The following MYO1F variants were observed in gnomAD, a reference collection of about 807,000 sequenced individuals.
The protein encoded by MYO1F is unconventional myosin-If.
Under a neutral mutation model 146.6 loss-of-function variants are expected in MYO1F, and 60 were observed. The ratio of observed to expected loss-of-function variants is 0.41; its 90% CI spans 0.33 to 0.51. The LOEUF (loss-of-function observed/expected upper bound fraction) is 0.51. Among genes scored for constraint, MYO1F ranks in the 20% least tolerant of loss-of-function variants. The probability of loss-of-function intolerance (pLI) is 0.25; values close to 1 mark genes in which losing one functional copy is unlikely to be tolerated. For missense variants in MYO1F, 1,274 were observed against 1,534.3 expected (o/e 0.83, Z 2.83); for synonymous variants, 602 against 602.1 (o/e 1.00, Z 0.00).
At chr19:8,570,200 G>A (rs1448276431) in intron 1 of MYO1F, among the ~76,000 whole-genome samples, 1 of 152,006 alleles carries the variant, frequency 6.6e-6, no homozygotes, top group Non-Finnish European at 1.5e-5. Context: ...AGCCTCCCAA[G>A]TAGCTGGGAT....
intron 10 of MYO1F, among the ~76,000 whole-genome samples, chr19:8,548,960 T>C (rs896654498): frequency 1.3e-5 from 2 of 149,498 alleles, no homozygotes; most frequent in African/African-American, 5.1e-5. Context: ...TTCTTTTCTA[T>C]TTTTTTTGAG....
intron 8 of MYO1F, among the ~76,000 whole-genome samples, chr19:8,551,024 G>A (rs1407355361): frequency 6.6e-6 from 1 of 150,402 alleles, no homozygotes; most frequent in Admixed American, 6.6e-5. Context: ...GGGATTACAG[G>A]CGTGAGCGTC....
At chr19:8,522,223 T>C (rs200190836) in intron 27 of MYO1F, among the ~76,000 whole-genome samples, 154 bp downstream of exon 27, 1,688 of 151,924 alleles carry the variant, frequency 0.011, 27 homozygotes, top group African/African-American at 0.037. Context: ...GGGGTTTCAC[T>C]GTGTTAGCCA....
chr19:8,552,419 CAGCTAATTTTTGTATTTTTGGCAG>C (rs1285357547), intron 6 of MYO1F, among the ~76,000 whole-genome samples: 1 of 152,018 alleles, frequency 6.6e-6, no homozygotes, highest in Non-Finnish European at 1.5e-5. Context: ...CCACCATGCC[CAGCTAATTTTTGTATTTTTGGCAG>C]AGCTAATTTT....
chr19:8,548,029 C>G lies in MYO1F; in HGVS notation c.1269+7G>C. 6.2e-7 allele frequency: 1 copy of G among 1,611,534 alleles called. No individual in the cohort carries two copies. Among genetic ancestry groups the G allele is most frequent in the Non-Finnish European group, 8.5e-7 (1 of 1,178,554 alleles). On this transcript the variant is annotated splice_region_variant and intron_variant, in intron 12 of 27. Transcript: ENST00000644032. ...GATCCCCCATCCCTGACTGCTTGGC[C>G]GCCCACCTGCTCGGCCTTCAGGGTA...
At chr19:8,525,616 C>T (rs1972234700) in intron 24 of MYO1F, 54 bp from the exon 25 acceptor site, 9 of 1,486,796 alleles carry the variant, frequency 6.1e-6, no homozygotes, top group Admixed American at 3.5e-5. Context: ...CTCTTTGCCC[C>T]GCCCACAAAT....
chr19:8,551,145 G>A (rs559146134), intron 8 of MYO1F, among the ~76,000 whole-genome samples: 4 of 151,496 alleles, frequency 2.6e-5, no homozygotes, highest in South Asian at 2.1e-4. Context: ...TCCACCTCCC[G>A]GGTTTAAGCG....
chr19:8,553,894 A>ACACACACACACACACACTCT, intron 4 of MYO1F, among the ~76,000 whole-genome samples: 37 of 102,664 alleles, frequency 3.6e-4, no homozygotes, highest in African/African-American at 9.6e-4. Context: ...ACACACACAC[A>ACACACACACACACACACTCT]CTCTCTCTCT....
chr19:8,547,682 A>G (rs1973428094), intron 12 of MYO1F, among the ~76,000 whole-genome samples: 1 of 151,388 alleles, frequency 6.6e-6, no homozygotes, highest in Non-Finnish European at 1.5e-5. Context: ...CAGAAAAACC[A>G]TTTGTCTCTG....
intron 14 of MYO1F, among the ~76,000 whole-genome samples, chr19:8,543,311 G>A (rs2145878441): frequency 6.6e-6 from 1 of 152,252 alleles, no homozygotes; most frequent in East Asian, 1.9e-4. Context: ...GTGGGGCTGC[G>A]GGCATGGTTA....
intron 19 of MYO1F, among the ~76,000 whole-genome samples, chr19:8,534,148 T>C (rs1053121053): frequency 2.7e-5 from 4 of 150,428 alleles, no homozygotes; most frequent in African/African-American, 9.8e-5. Flanking sequence ...CATTCCACTT[T>C]AGCCTGGGTG....
chr19:8,563,302 T>C (rs1357471334), intron 1 of MYO1F, among the ~76,000 whole-genome samples: 1 of 143,552 alleles, frequency 7.0e-6, no homozygotes, highest in African/African-American at 2.6e-5. Flanking sequence ...CACTTTTTTT[T>C]TTTTTTTTTT....
Position 8,527,588 on chromosome 19 carries a change from G to C in MYO1F, c.2329-105C>G, listed in dbSNP as rs1972322133. On this transcript the variant is annotated intron_variant, in intron 21 of 27. Coordinates refer to ENST00000644032, the MANE Select transcript of MYO1F (RefSeq NM_012335.4). ...TGGTGCTGGCAGGTCAGGTGAGGAA[G>C]GTGGGAGCCCTCCAGGTGAAGGTGT... 3 of 1,422,774 alleles carry C rather than the reference G, an allele frequency of 2.1e-6. No homozygotes were observed. The East Asian group carries it at 7.2e-5, about 34-fold the overall frequency. 88.1% of individuals were successfully genotyped at this position (1,422,774 alleles called of 1,614,324 possible).
Position 8,548,245 on chromosome 19 carries a change from T to G in MYO1F, c.1174A>C (p.Ile392Leu). 1 of 1,613,714 alleles carries G rather than the reference T, an allele frequency of 6.2e-7. No homozygotes were observed. The highest frequency in any genetic ancestry group is 2.2e-5 in the East Asian group (1 of 44,856). ...IGVLDIYGFEIFQKNGFEQFC... is the reference protein window; with the variant it reads ...IGVLDIYGFELFQKNGFEQFC... The stretch of plus-strand genomic sequence containing the variant: ...GAGGCAGGGGGCCGTACCTGGAAGA[T>G]CTCGAAGCCGTAAATGTCCAGCACA... The change falls in exon 11 of 28, where the codon ATC (isoleucine) becomes CTC (leucine). Residue 392 changes from isoleucine (I) to leucine (L), a missense_variant. Ile to Leu is a conservative substitution (Grantham distance 5). Around this residue, in one of 2 missense-constraint regions of MYO1F, gnomAD observed 900 missense variants for 1,155.1 expected, o/e 0.78. Transcript: ENST00000644032.
At chr19:8,548,164 G>A in intron 11 of MYO1F, 42 bp from the exon 12 acceptor site, 1 of 1,613,318 alleles carries the variant, frequency 6.2e-7, no homozygotes, top group Non-Finnish European at 8.5e-7. Context: ...ATGTCCTGGT[G>A]CTGGAAGTTC....
chr19:8,537,003 A>G lies in MYO1F; in HGVS notation c.1745T>C (p.Ile582Thr), dbSNP rs1464926273. ...ATLMRCTPHYIRCIKPNETKR... is the reference protein window; with the variant it reads ...ATLMRCTPHYTRCIKPNETKR... ...GGTCTCGTTGGGTTTGATGCAGCGG[A>G]TGTAGTGGGGTGTGCACCTCATCAG... Residue 582 changes from isoleucine (I) to threonine (T), a missense_variant, in exon 17 of 28, where the codon ATC becomes ACC. Ile to Thr is a moderately conservative substitution (Grantham distance 89, BLOSUM62 -1). Around this residue, in one of 2 missense-constraint regions of MYO1F, gnomAD observed 900 missense variants for 1,155.1 expected, o/e 0.78. Coordinates refer to ENST00000644032, the MANE Select transcript of MYO1F (RefSeq NM_012335.4). 1.2e-6 allele frequency: 2 copies of G among 1,603,076 alleles called. No homozygotes were observed. Among genetic ancestry groups the G allele is most frequent in the African/African-American group, 2.7e-5 (2 of 72,958 alleles).
At chr19:8,529,551 G>A (rs1372209688) in intron 21 of MYO1F, among the ~76,000 whole-genome samples, 1 of 152,140 alleles carries the variant, frequency 6.6e-6, no homozygotes, top group Non-Finnish European at 1.5e-5. Flanking sequence ...CCAGGTGAGA[G>A]TGTACCTGTG....
intron 1 of MYO1F, among the ~76,000 whole-genome samples, chr19:8,563,212 T>C (rs1179314847): frequency 1.3e-5 from 2 of 151,724 alleles, no homozygotes; most frequent in East Asian, 3.9e-4. Context: ...AGGCTGGTCT[T>C]GAACTCCTGA....
At chr19:8,527,054 G>T in intron 22 of MYO1F, 119 bp from the exon 23 acceptor site, 4 of 1,350,276 alleles carry the variant, frequency 3.0e-6, no homozygotes, top group Non-Finnish European at 4.1e-6. Flanking sequence ...CCAAGTCAGC[G>T]GTGACCAGGT....
Sources: allele counts gnomAD v4.1 joint callset (sites outside exome capture counted in the v4.1 genomes callset), GRCh38; gene constraint gnomAD v4.1.1; regional missense constraint gnomAD v4.1.1; transcripts MANE v1.5; gene names NCBI Gene and HGNC (gene_info 2026-07-23, HGNC 2026-07-21).